Variants in NMT1 observed in about 807,000 individuals in gnomAD.
NMT1 encodes N-myristoyltransferase 1.
A neutral mutation model predicts 63.4 loss-of-function variants in NMT1; 12 were observed. That is an observed-to-expected ratio of 0.19 (90% CI 0.12 to 0.31). NMT1 has a LOEUF of 0.31. Among genes scored for constraint, NMT1 ranks in the 10% least tolerant of loss-of-function variants. The pLI is 1.00. For missense variants in NMT1, 432 were observed against 634.6 expected (o/e 0.68, Z 3.43); for synonymous variants, 228 against 234.3 (o/e 0.97, Z 0.25).
In NMT1 at chr17:45,103,902, G is replaced by A. The variant is rs769488119; in HGVS notation, c.1332+26G>A. On this transcript the variant is annotated intron_variant, in intron 10 of 11. Transcript: ENST00000258960. The surrounding 1 kb of genome is among the most constrained non-coding windows in gnomAD (Gnocchi z 4.8). ...GTGAGGAGCAGACGGGGGGGTCTCT[G>A]GAGATGTGCAGGGAAGAGGCAGTGG... 5.6e-6 allele frequency: 9 copies of A among 1,611,860 alleles called. No individual in the cohort carries two copies. In the South Asian group the frequency reaches 9.9e-5, roughly 18 times the overall value.
At position 45,107,813 on chromosome 17, in the gene NMT1, G is replaced by C. The variant is rs2054212122; in HGVS notation, c.*2174G>C. On this transcript the variant is annotated 3_prime_UTR_variant, in exon 12 of 12. Transcript: ENST00000258960. Reference sequence around the variant, plus strand: ...TGGAAACGGTGAGGCCCCAGTGGCTGTTCTGGAAGAAACAGATCTCCTGGC... The same window carrying C: ...TGGAAACGGTGAGGCCCCAGTGGCTCTTCTGGAAGAAACAGATCTCCTGGC... The C allele has an allele frequency of 6.6e-6, 1 of 152,352 alleles. No individual in the cohort carries two copies. The highest frequency in any genetic ancestry group is 1.5e-5 in the Non-Finnish European group (1 of 68,132). The allele number at this position is 152,352 out of a possible 1,614,324, so 9.4% of individuals were successfully genotyped here. A position where few individuals can be genotyped will look rare whatever the true frequency, so the allele number is the denominator to read the frequency against.
intron 1 of NMT1, among the ~76,000 whole-genome samples, chr17:45,081,020 G>A (rs78583756): frequency 1.3e-5 from 2 of 152,138 alleles, no homozygotes; most frequent in Non-Finnish European, 2.9e-5. Flanking sequence ...CACCTGCCTC[G>A]GCCTCCCAAA....
At chr17:45,075,433 C>T (rs912720762) in intron 1 of NMT1, among the ~76,000 whole-genome samples, 30 of 148,534 alleles carry the variant, frequency 2.0e-4, no homozygotes, top group Non-Finnish European at 4.5e-5. Context: ...TGCAGTGAGC[C>T]GAGATCACAC....
Position 45,103,719 on chromosome 17 carries a change from G to A in NMT1, c.1175G>A (p.Gly392Glu). ...IDTFVVENAN[G>E]EVTDFLSFYT... ...TTGCCTTCCCTTCAGAACGCAAACG[G>A]AGAGGTGACAGATTTCCTGAGCTTT... is the stretch of plus-strand genomic sequence containing the variant. The change falls in exon 10 of 12, where the codon GGA (glycine) becomes GAA (glutamate). Residue 392 changes from glycine (G) to glutamate (E), a missense_variant. This residue lies in a region of NMT1 where 295 missense variants were observed against 489.7 expected (regional missense o/e 0.60). Transcript: ENST00000258960. The surrounding 1 kb of genome is among the most constrained non-coding windows in gnomAD (Gnocchi z 4.8). 5 of 1,612,986 alleles carry A rather than the reference G, an allele frequency of 3.1e-6. No homozygotes were observed. Among genetic ancestry groups the A allele is most frequent in the Non-Finnish European group, 4.2e-6 (5 of 1,179,328 alleles).
At chr17:45,078,655 T>C (rs59695806) in intron 1 of NMT1, among the ~76,000 whole-genome samples, 33,224 of 152,006 alleles carry the variant, frequency 0.22, 4,217 homozygotes, top group South Asian at 0.33. Flanking sequence ...TTTGGTGTTT[T>C]TTTGTTTGTT....
chr17:45,093,574 A>T, intron 3 of NMT1, 111 bp from the exon 4 acceptor site: 1 of 769,286 alleles, frequency 1.3e-6, no homozygotes, highest in Non-Finnish European at 2.1e-6. Flanking sequence ...TGTTCTTCAG[A>T]TAGAGGGCTC....
At chr17:45,075,902 T>C (rs2053974498) in intron 1 of NMT1, among the ~76,000 whole-genome samples, 1 of 151,936 alleles carries the variant, frequency 6.6e-6, no homozygotes, top group African/African-American at 2.4e-5. Flanking sequence ...AGACCTCATC[T>C]CTACTAAAAA....
At chr17:45,083,323 A>G (rs998037626) in intron 2 of NMT1, among the ~76,000 whole-genome samples, 2 of 145,068 alleles carry the variant, frequency 1.4e-5, no homozygotes, top group African/African-American at 4.9e-5. Flanking sequence ...TGTCTCAAAA[A>G]AAAAAAAAAA....
chr17:45,103,180 A>G lies in NMT1; in HGVS notation c.1164+59A>G. 1 of 1,530,366 alleles carries G rather than the reference A, an allele frequency of 6.5e-7. No individual in the cohort carries two copies. The allele number at this position is 1,530,366 out of a possible 1,614,324, so 94.8% of individuals were successfully genotyped here. ...ACGTTCCCAGAGAGGCACCCCCCTG[A>G]GTGGCCGGGTTCCCAGGGCTCGAGT... On this transcript the variant is annotated intron_variant, in intron 9 of 11. Coordinates refer to ENST00000258960, the MANE Select transcript of NMT1 (RefSeq NM_021079.5). The surrounding 1 kb of genome is among the most constrained non-coding windows in gnomAD (Gnocchi z 4.8).
Position 45,108,355 on chromosome 17 carries a change from A to G in NMT1, c.*2716A>G, listed in dbSNP as rs1173749197. ...AGGGCTCGTTTCCCCACACATGCCTATTTCTGAAGAGGCTTCTGTCTTATT... is the reference window on the plus strand; with the variant it reads ...AGGGCTCGTTTCCCCACACATGCCTGTTTCTGAAGAGGCTTCTGTCTTATT... On this transcript the variant is annotated 3_prime_UTR_variant, in exon 12 of 12. Transcript: ENST00000258960. 2.0e-5 allele frequency: 3 copies of G among 152,138 alleles called. No individual in the cohort carries two copies. Among genetic ancestry groups the G allele is most frequent in the African/African-American group, 7.2e-5 (3 of 41,410 alleles). The allele number at this position is 152,138 out of a possible 1,614,324, so 9.4% of individuals were successfully genotyped here. A position where few individuals can be genotyped will look rare whatever the true frequency, so the allele number is the denominator to read the frequency against.
chr17:45,063,792 A>C (rs1203615572), intron 1 of NMT1, among the ~76,000 whole-genome samples: 3 of 152,106 alleles, frequency 2.0e-5, no homozygotes, highest in Non-Finnish European at 4.4e-5. Flanking sequence ...GCTACTCCGG[A>C]GACTGAGGCA....
intron 1 of NMT1, among the ~76,000 whole-genome samples, chr17:45,068,073 C>T (rs1007599234): frequency 1.3e-5 from 2 of 152,144 alleles, no homozygotes; most frequent in South Asian, 2.1e-4. Flanking sequence ...AAATCTCTAC[C>T]CTTCAGGCCT....
chr17:45,096,385 G>A (rs1192725214), intron 5 of NMT1, 100 bp downstream of exon 5: 6 of 884,900 alleles, frequency 6.8e-6, no homozygotes, highest in Non-Finnish European at 1.1e-5. Flanking sequence ...GCCAACCTTT[G>A]AATGGCAAAT....
intron 1 of NMT1, among the ~76,000 whole-genome samples, chr17:45,066,313 C>T (rs928208137): frequency 1.3e-5 from 2 of 152,012 alleles, no homozygotes; most frequent in African/African-American, 4.8e-5. Context: ...CCTTGGCCTC[C>T]GAAAGTGCTA....
Position 45,099,485 on chromosome 17 carries a change from G to A in NMT1, c.965G>A (p.Arg322His), listed in dbSNP as rs2054147305. The A allele has an allele frequency of 6.2e-7, 1 of 1,613,812 alleles. No homozygotes were observed. Among genetic ancestry groups the A allele is most frequent in the African/African-American group, 1.3e-5 (1 of 74,904 alleles). ...CTGAGCAGAAATATGACCATGCAGC[G>A]CACCATGAAGCTCTACCGACTGCCA... ...SHLSRNMTMQ[R>H]TMKLYRLPET... is the part of the protein sequence containing the mutation. The change falls in exon 8 of 12, where the codon CGC becomes CAC. Residue 322 changes from arginine to histidine, a missense_variant. Physicochemically the swap from Arg to His is conservative, Grantham distance 29. This residue lies in a region of NMT1 where 295 missense variants were observed against 489.7 expected (regional missense o/e 0.60). Coordinates refer to ENST00000258960, the MANE Select transcript of NMT1 (RefSeq NM_021079.5).
Position 45,103,617 on chromosome 17 carries a change from T to C in NMT1, c.1165-92T>C. The C allele has an allele frequency of 7.7e-7, 1 of 1,292,678 alleles. No homozygotes were observed. The highest frequency in any genetic ancestry group is 1.1e-6 in the Non-Finnish European group (1 of 925,784). 80.1% of individuals were successfully genotyped at this position (1,292,678 alleles called of 1,614,324 possible). A position where few individuals can be genotyped will look rare whatever the true frequency, so the allele number is the denominator to read the frequency against. On this transcript the variant is annotated intron_variant, in intron 9 of 11. Transcript: ENST00000258960. This position sits in a 1 kb window ranked among gnomAD's most constrained non-coding sequence, Gnocchi z 4.8. ...AGCCATTTATCTAGAGGGGCAGAGC[T>C]GCCTGAAGGTGGAGTGAGAGAAACA... is the stretch of plus-strand genomic sequence containing the variant.
intron 1 of NMT1, 31 bp downstream of exon 1, chr17:45,061,491 C>T (rs780662798): frequency 2.5e-6 from 4 of 1,601,318 alleles, no homozygotes; most frequent in Non-Finnish European, 3.4e-6. Flanking sequence ...CAATTCCCGT[C>T]CAGCCTCCCA....
At chr17:45,094,048 C>A (rs2054107642) in intron 4 of NMT1, among the ~76,000 whole-genome samples, 1 of 152,174 alleles carries the variant, frequency 6.6e-6, no homozygotes, top group Non-Finnish European at 1.5e-5. Context: ...TTCATTTATT[C>A]TTTTTTGTTC....
Position 45,104,347 on chromosome 17 carries a change from G to T in NMT1, c.1332+471G>T, listed in dbSNP as rs560424073. The stretch of plus-strand genomic sequence containing the variant: ...GCCTGCTGTAGGCAATCTGGTCCCT[G>T]CCCTGTGAGAGCTTCTGCTCCAGTT... On this transcript the variant is annotated intron_variant, in intron 10 of 11. Coordinates refer to ENST00000258960, the MANE Select transcript of NMT1 (RefSeq NM_021079.5). The surrounding 1 kb of genome is among the most constrained non-coding windows in gnomAD (Gnocchi z 4.2). 3 of 1,152,180 alleles carry T rather than the reference G, an allele frequency of 2.6e-6. No individual in the cohort carries two copies. In the East Asian group the frequency reaches 2.0e-4, roughly 76 times the overall value. 71.4% of individuals were successfully genotyped at this position (1,152,180 alleles called of 1,614,324 possible).
Sources: allele counts gnomAD v4.1 joint callset (sites outside exome capture counted in the v4.1 genomes callset), GRCh38; gene constraint gnomAD v4.1.1; regional missense constraint gnomAD v4.1.1; non-coding constraint Gnocchi (gnomAD v3.1); transcripts MANE v1.5; gene names NCBI Gene and HGNC (gene_info 2026-07-23, HGNC 2026-07-21).